SH3RF1: variants seen among roughly 807,000 people sequenced by gnomAD.
SH3RF1 encodes SH3 domain containing ring finger 1.
SH3RF1 carries 32 observed loss-of-function variants against 74.0 expected under a neutral mutation model. The observed-to-expected ratio is 0.43, with a 90% CI of 0.33 to 0.58. The LOEUF (loss-of-function observed/expected upper bound fraction) is 0.58. Among genes scored for constraint, SH3RF1 ranks in the 20% least tolerant of loss-of-function variants. SH3RF1 has a pLI of 0.05. For missense variants in SH3RF1, 954 were observed against 1,130.9 expected (o/e 0.84, Z 2.24); for synonymous variants, 396 against 439.6 (o/e 0.90, Z 1.24).
intron 2 of SH3RF1, among the ~76,000 whole-genome samples, 174 bp downstream of exon 2, chr4:169,268,646 T>C (rs1173769202): frequency 6.6e-6 from 1 of 152,188 alleles, no homozygotes; most frequent in African/African-American, 2.4e-5. Flanking sequence ...ATTATTTATA[T>C]CCAATCTCAT....
chr4:169,241,361 A>AT (rs1254156827), intron 2 of SH3RF1, among the ~76,000 whole-genome samples: 1 of 152,164 alleles, frequency 6.6e-6, no homozygotes, highest in Non-Finnish European at 1.5e-5. Context: ...ACTTGAATAG[A>AT]TTTTCTTCAG....
At position 169,136,513 on chromosome 4, in the gene SH3RF1, C is replaced by A; in HGVS notation, c.873G>T (p.Lys291Asn). The change falls in exon 5 of 12, where the codon AAG (lysine) becomes AAT (asparagine). Residue 291 changes from lysine (K) to asparagine (N), a missense_variant. Coordinates refer to ENST00000284637, the MANE Select transcript of SH3RF1 (RefSeq NM_020870.4). ...SAAAQSSTAP[K>N]HSDTKKNTKK... ...TGGTGTTCTTCTTGGTGTCGGAGTGCTTTGGGGCAGTGCTGCTCTGGGCTG... is the reference window on the plus strand; with the variant it reads ...TGGTGTTCTTCTTGGTGTCGGAGTGATTTGGGGCAGTGCTGCTCTGGGCTG... 1 of 1,613,732 alleles carries A rather than the reference C, an allele frequency of 6.2e-7. No individual in the cohort carries two copies. Among genetic ancestry groups the A allele is most frequent in the Non-Finnish European group, 8.5e-7 (1 of 1,179,890 alleles).
chr4:169,122,109 C>T lies in SH3RF1; in HGVS notation c.1337G>A (p.Arg446His), dbSNP rs762272929. 6.8e-6 allele frequency: 11 copies of T among 1,612,346 alleles called. No homozygotes were observed. The highest frequency in any genetic ancestry group is 4.4e-5 in the South Asian group (4 of 90,972). Residue 446 changes from arginine (R) to histidine (H), a missense_variant, in exon 7 of 12, where the codon CGC (arginine) becomes CAC (histidine). By Grantham distance (29) the Arg-to-His change is conservative. Around this residue, in one of 3 missense-constraint regions of SH3RF1, gnomAD observed 854 missense variants for 962.5 expected, o/e 0.89. Coordinates refer to ENST00000284637, the MANE Select transcript of SH3RF1 (RefSeq NM_020870.4). ...DQIAHLRPQT[R>H]PSVYVAIYPY... ...CGACACGCTCACTTACACACTGGGG[C>T]GAGTCTGCGGCCGTAAATGTGCAAT...
At chr4:169,243,595 T>A (rs962614103) in intron 2 of SH3RF1, among the ~76,000 whole-genome samples, 1 of 152,204 alleles carries the variant, frequency 6.6e-6, no homozygotes. Flanking sequence ...ATTCCCTCAG[T>A]TTAATCTTCA....
chr4:169,136,727 T>A, intron 4 of SH3RF1, 107 bp from the exon 5 acceptor site: 1 of 1,246,578 alleles, frequency 8.0e-7, no homozygotes, highest in Non-Finnish European at 1.1e-6. Context: ...GTCACTACTT[T>A]AAAGTTTGCC....
chr4:169,228,469 T>C (rs145854781), intron 2 of SH3RF1, among the ~76,000 whole-genome samples: 80 of 152,298 alleles, frequency 5.3e-4, no homozygotes, highest in Non-Finnish European at 9.7e-4. Flanking sequence ...TCACTTGCCT[T>C]GGGGCCCCTT....
chr4:169,110,787 T>C (rs1733230121), intron 10 of SH3RF1, among the ~76,000 whole-genome samples: 1 of 152,228 alleles, frequency 6.6e-6, no homozygotes, highest in African/African-American at 2.4e-5. Flanking sequence ...GGATCTAGGA[T>C]ATGGCAGAGT....
intron 5 of SH3RF1, among the ~76,000 whole-genome samples, chr4:169,133,093 T>C (rs1579098779): frequency 6.6e-6 from 1 of 152,164 alleles, no homozygotes; most frequent in Non-Finnish European, 1.5e-5. Flanking sequence ...CATCTCTAAT[T>C]GCCATATAGA....
At chr4:169,218,281 TAATATATAATATATAATATA>T (rs1730497996) in intron 2 of SH3RF1, among the ~76,000 whole-genome samples, 1 of 127,270 alleles carries the variant, frequency 7.9e-6, no homozygotes, top group South Asian at 2.5e-4. Context: ...TATAAATATA[TAATATATAATATATAATATA>T]AATATAGAAT....
chr4:169,175,690 C>T (rs925493392), intron 2 of SH3RF1, among the ~76,000 whole-genome samples: 1 of 152,048 alleles, frequency 6.6e-6, no homozygotes, highest in Admixed American at 6.6e-5. Context: ...GACTAGGCAC[C>T]GACCCACCCA....
intron 4 of SH3RF1, among the ~76,000 whole-genome samples, chr4:169,154,683 T>C (rs1734025338): frequency 6.6e-6 from 1 of 152,200 alleles, no homozygotes; most frequent in African/African-American, 2.4e-5. Flanking sequence ...AAGACCTCAC[T>C]TCTTACCAGA....
At position 169,266,644 on chromosome 4, in the gene SH3RF1, A is replaced by G. The variant is rs11931027; in HGVS notation, c.393+2176T>C. On this transcript the variant is annotated intron_variant, in intron 2 of 11. Coordinates refer to ENST00000284637, the MANE Select transcript of SH3RF1 (RefSeq NM_020870.4). The stretch of plus-strand genomic sequence containing the variant: ...GGGGGGCAGGGGATGGGGGAGGGGT[A>G]GCAGGGGGAGGGGTCTTGCTATGTT... Among the ~76,000 whole-genome samples, 829 of 113,288 alleles carry G rather than the reference A, an allele frequency of 7.3e-3. 8 individuals carry two copies. The highest frequency in any genetic ancestry group is 0.026 in the African/African-American group (794 of 30,084). 74.3% of individuals were successfully genotyped at this position (113,288 alleles called of 152,430 possible). A position where few individuals can be genotyped will look rare whatever the true frequency, so the allele number is the denominator to read the frequency against.
At chr4:169,162,158 GA>G (rs915703247) in intron 2 of SH3RF1, among the ~76,000 whole-genome samples, 6 of 150,818 alleles carry the variant, frequency 4.0e-5, no homozygotes, top group Non-Finnish European at 5.9e-5. Flanking sequence ...CTCCGTCTCA[GA>G]AAAAAAAGTA....
intron 6 of SH3RF1, among the ~76,000 whole-genome samples, chr4:169,129,842 C>T (rs1217109252): frequency 6.6e-6 from 1 of 152,174 alleles, no homozygotes; most frequent in Non-Finnish European, 1.5e-5. Flanking sequence ...GGCCACTGAT[C>T]CTCACTGTTA....
chr4:169,237,029 C>T lies in SH3RF1; in HGVS notation c.393+31791G>A, dbSNP rs561328003. On this transcript the variant is annotated intron_variant, in intron 2 of 11. Coordinates refer to ENST00000284637, the MANE Select transcript of SH3RF1 (RefSeq NM_020870.4). ...ACATAAACAAGCACAAATATGCACA[C>T]GCTCCCTTCTCAATGAACAGATTTA... is the stretch of plus-strand genomic sequence containing the variant. Among the ~76,000 whole-genome samples, 375 of 152,316 alleles carry T rather than the reference C, an allele frequency of 2.5e-3. 1 individual carries two copies. Among genetic ancestry groups the T allele is most frequent in the South Asian group, 0.021 (99 of 4,820 alleles).
At chr4:169,133,973 C>A (rs117221816) in intron 5 of SH3RF1, among the ~76,000 whole-genome samples, 1 of 152,128 alleles carries the variant, frequency 6.6e-6, no homozygotes, top group Non-Finnish European at 1.5e-5. Flanking sequence ...TTTCCCCATA[C>A]GCACTGATCT....
chr4:169,103,762 C>T (rs1000775161), intron 11 of SH3RF1, among the ~76,000 whole-genome samples: 28 of 152,252 alleles, frequency 1.8e-4, no homozygotes, highest in African/African-American at 6.3e-4. Context: ...AAAGCAAAGG[C>T]TGTGGAAAGT....
At chr4:169,262,926 G>A (rs1385761256) in intron 2 of SH3RF1, among the ~76,000 whole-genome samples, 1 of 152,120 alleles carries the variant, frequency 6.6e-6, no homozygotes, top group Non-Finnish European at 1.5e-5. Flanking sequence ...ATGAAGCCTG[G>A]AGTAAGGATC....
intron 2 of SH3RF1, among the ~76,000 whole-genome samples, chr4:169,196,684 C>T (rs758639691): frequency 6.6e-6 from 1 of 152,124 alleles, no homozygotes; most frequent in Non-Finnish European, 1.5e-5. Flanking sequence ...CTCTCCAATG[C>T]CTCCAAGCAG....
Sources: gnomAD v4.1 joint callset for allele counts (sites outside exome capture counted in the v4.1 genomes callset) on GRCh38, gnomAD v4.1.1 for gene constraint, gnomAD v4.1.1 regional missense constraint, MANE v1.5 for transcripts, NCBI Gene and HGNC (gene_info 2026-07-23, HGNC 2026-07-21) for gene names.